Variants in SLC38A3 observed in about 807,000 individuals in gnomAD.
The protein encoded by SLC38A3 is sodium-coupled neutral amino acid transporter 3.
SLC38A3 carries 17 observed loss-of-function variants against 59.5 expected under a neutral mutation model. The ratio of observed to expected loss-of-function variants is 0.29; its 90% CI spans 0.20 to 0.43. SLC38A3 has a LOEUF of 0.43. Among genes scored for constraint, SLC38A3 ranks in the 20% least tolerant of loss-of-function variants. SLC38A3 has a pLI of 1.00. For synonymous variants in SLC38A3, 238 were observed against 260.3 expected, an observed-to-expected ratio of 0.91 and a Z score of 0.82; for missense variants, 454 against 653.9, an observed-to-expected ratio of 0.69 and a Z score of 3.33.
Position 50,215,705 on chromosome 3 carries a change from C to A in SLC38A3, c.467-35C>A, listed in dbSNP as rs1386647889. The A allele has an allele frequency of 6.2e-7, 1 of 1,607,476 alleles. No individual in the cohort carries two copies. The highest frequency in any genetic ancestry group is 8.5e-7 in the Non-Finnish European group (1 of 1,176,734). On this transcript the variant is annotated intron_variant, in intron 6 of 15. Coordinates refer to ENST00000614032, the MANE Select transcript of SLC38A3 (RefSeq NM_006841.6). The surrounding 1 kb of genome is among the most constrained non-coding windows in gnomAD (Gnocchi z 7.1). ...CCTGAAAGCTGGCTGGTTGGGCTGA[C>A]CTCAGCGCCTGCCTGCCCGCCCCTC...
At position 50,217,827 on chromosome 3, in the gene SLC38A3, C is replaced by T. The variant is rs773629318; in HGVS notation, c.842C>T (p.Thr281Met). ...GCCTTCTGCACTCCCAGCTACTTCA[C>T]GCTCAACTCACAGGTTCTGACAGGT... ...ASAFCTPSYF[T>M]LNSQTAYTIP... Residue 281 changes from threonine to methionine, a missense_variant, in exon 10 of 16, where the codon ACG (threonine) becomes ATG (methionine). By Grantham distance (81) the Thr-to-Met change is moderately conservative (BLOSUM62 -1). This residue lies in a region of SLC38A3 where 390 missense variants were observed against 557.9 expected (regional missense o/e 0.70). Coordinates refer to ENST00000614032, the MANE Select transcript of SLC38A3 (RefSeq NM_006841.6). The surrounding 1 kb of genome is among the most constrained non-coding windows in gnomAD (Gnocchi z 4.9). 2.7e-5 allele frequency: 43 copies of T among 1,613,942 alleles called. No homozygotes were observed. Among genetic ancestry groups the T allele is most frequent in the Non-Finnish European group, 3.3e-5 (39 of 1,179,908 alleles).
intron 1 of SLC38A3, among the ~76,000 whole-genome samples, chr3:50,209,749 G>C (rs771745108): frequency 6.6e-6 from 1 of 152,090 alleles, no homozygotes; most frequent in Non-Finnish European, 1.5e-5. Flanking sequence ...GACACCTCCG[G>C]ATGCCCAGAA....
At position 50,217,789 on chromosome 3, in the gene SLC38A3, G is replaced by T. The variant is rs757924467; in HGVS notation, c.804G>T (p.Glu268Asp). The T allele has an allele frequency of 1.2e-6, 2 of 1,614,040 alleles. No homozygotes were observed. The highest frequency in any genetic ancestry group is 2.2e-5 in the South Asian group (2 of 91,088). Reference protein sequence around the residue: ...IVKEKVQLQVEPEASAFCTPS... With the variant: ...IVKEKVQLQVDPEASAFCTPS... ...AGGAGAAGGTGCAGCTGCAGGTCGA[G>T]CCTGAGGCTTCAGCCTTCTGCACTC... Residue 268 changes from glutamate (E) to aspartate (D), a missense_variant, in exon 10 of 16, where the codon GAG (glutamate) becomes GAT (aspartate). Glu to Asp is a conservative substitution (Grantham distance 45). Transcript: ENST00000614032. This position sits in a 1 kb window ranked among gnomAD's most constrained non-coding sequence, Gnocchi z 4.9.
chr3:50,221,406 G>A lies in SLC38A3; in HGVS notation c.*1229G>A, dbSNP rs1439691174. The stretch of plus-strand genomic sequence containing the variant: ...CATGTCAACTCTCTGTCAATGCCCT[G>A]AGTCTGGGGACAAAAGTCCAGGAAT... On this transcript the variant is annotated 3_prime_UTR_variant, in exon 16 of 16. Transcript: ENST00000614032. 1.3e-5 allele frequency: 2 copies of A among 152,254 alleles called. No individual in the cohort carries two copies. Among genetic ancestry groups the A allele is most frequent in the Admixed American group, 6.5e-5 (1 of 15,282 alleles). The allele number at this position is 152,254 out of a possible 1,614,324, so 9.4% of individuals were successfully genotyped here. A position where few individuals can be genotyped will look rare whatever the true frequency, so the allele number is the denominator to read the frequency against.
intron 15 of SLC38A3, 22 bp downstream of exon 15, chr3:50,220,006 G>T: frequency 1.2e-6 from 2 of 1,605,984 alleles, no homozygotes; most frequent in South Asian, 2.2e-5. Context: ...CTGGAGGCCG[G>T]TGGGCTGGTA....
chr3:50,210,054 T>C (rs1440947652), intron 1 of SLC38A3, among the ~76,000 whole-genome samples: 1 of 152,216 alleles, frequency 6.6e-6, no homozygotes, highest in Non-Finnish European at 1.5e-5. Context: ...AGCAATCAGC[T>C]ACCACCAATT....
chr3:50,216,113 G>A (rs587595292), intron 7 of SLC38A3, among the ~76,000 whole-genome samples: 12 of 152,356 alleles, frequency 7.9e-5, no homozygotes, highest in East Asian at 3.9e-4. Context: ...GCCTGTGAGC[G>A]TGGGAGGCTC....
rs587760569 is a variant in SLC38A3 at position 50,220,278 on chromosome 3, C to T, written c.*101C>T. 23 of 876,778 alleles carry T rather than the reference C, an allele frequency of 2.6e-5. No homozygotes were observed. The highest frequency in any genetic ancestry group is 5.3e-5 in the East Asian group (2 of 37,752). 54.3% of individuals were successfully genotyped at this position (876,778 alleles called of 1,614,324 possible). ...GGCCAGTCGGGGGAGGAGAAAGACGCGATTAACACTGTGGCATTCAGCCAG... is the reference window on the plus strand; with the variant it reads ...GGCCAGTCGGGGGAGGAGAAAGACGTGATTAACACTGTGGCATTCAGCCAG... On this transcript the variant is annotated 3_prime_UTR_variant, in exon 16 of 16. Coordinates refer to ENST00000614032, the MANE Select transcript of SLC38A3 (RefSeq NM_006841.6).
chr3:50,218,449 C>T lies in SLC38A3; in HGVS notation c.1036+79C>T, dbSNP rs745791948. Reference sequence around the variant, plus strand: ...GTTGTGGCCATGGTGCCCTCCATACCGAGGCGTGTGGTGCCTGGCTGTGCC... The same window carrying T: ...GTTGTGGCCATGGTGCCCTCCATACTGAGGCGTGTGGTGCCTGGCTGTGCC... On this transcript the variant is annotated intron_variant, in intron 12 of 15. Coordinates refer to ENST00000614032, the MANE Select transcript of SLC38A3 (RefSeq NM_006841.6). The surrounding 1 kb of genome is among the most constrained non-coding windows in gnomAD (Gnocchi z 5.8). The T allele has an allele frequency of 1.8e-5, 28 of 1,526,238 alleles. No individual in the cohort carries two copies. In the Middle Eastern group the frequency reaches 6.8e-4, roughly 37 times the overall value. 94.5% of individuals were successfully genotyped at this position (1,526,238 alleles called of 1,614,324 possible). A position where few individuals can be genotyped will look rare whatever the true frequency, so the allele number is the denominator to read the frequency against.
At position 50,220,577 on chromosome 3, in the gene SLC38A3, G is replaced by T. The variant is rs866886152; in HGVS notation, c.*400G>T. 24 of 229,540 alleles carry T rather than the reference G, an allele frequency of 1.0e-4. No homozygotes were observed. Among genetic ancestry groups the T allele is most frequent in the South Asian group, 5.7e-4 (8 of 14,154 alleles). 14.2% of individuals were successfully genotyped at this position (229,540 alleles called of 1,614,324 possible). A position where few individuals can be genotyped will look rare whatever the true frequency, so the allele number is the denominator to read the frequency against. On this transcript the variant is annotated 3_prime_UTR_variant, in exon 16 of 16. Transcript: ENST00000614032. The stretch of plus-strand genomic sequence containing the variant: ...CCCCCGACCCTGCTGCTAGGCCACG[G>T]TCTGCGCCCTGGGGCCTCATCTCCC...
At position 50,215,504 on chromosome 3, in the gene SLC38A3, A is replaced by G. The variant is rs1044976601; in HGVS notation, c.374-40A>G. 1 of 1,613,142 alleles carries G rather than the reference A, an allele frequency of 6.2e-7. No homozygotes were observed. The highest frequency in any genetic ancestry group is 1.3e-5 in the African/African-American group (1 of 74,874). On this transcript the variant is annotated intron_variant, in intron 5 of 15. Transcript: ENST00000614032. This position sits in a 1 kb window ranked among gnomAD's most constrained non-coding sequence, Gnocchi z 7.1. ...GGAATGGGCGGGAGCTGGTGGGTAAACTGGGACAAGCTCCTGACTTCTTGA... is the reference window on the plus strand; with the variant it reads ...GGAATGGGCGGGAGCTGGTGGGTAAGCTGGGACAAGCTCCTGACTTCTTGA...
chr3:50,220,327 GT>G lies in SLC38A3; in HGVS notation c.*155del. On this transcript the variant is annotated 3_prime_UTR_variant, in exon 16 of 16. Transcript: ENST00000614032. Reference sequence around the variant, plus strand: ...AGGCCCCATGTCCTCTCTGTGGAAGGTTTTTGTTCAAGAGCCAGGACCAAGG... The same window carrying G: ...AGGCCCCATGTCCTCTCTGTGGAAGGTTTTGTTCAAGAGCCAGGACCAAGG... 1.5e-6 allele frequency: 1 copy of G among 669,712 alleles called. No individual in the cohort carries two copies. Among genetic ancestry groups the G allele is most frequent in the Non-Finnish European group, 2.6e-6 (1 of 390,248 alleles). 41.5% of individuals were successfully genotyped at this position (669,712 alleles called of 1,614,324 possible). A position where few individuals can be genotyped will look rare whatever the true frequency, so the allele number is the denominator to read the frequency against.
At position 50,217,863 on chromosome 3, in the gene SLC38A3, C is replaced by T. The variant is rs587736123; in HGVS notation, c.855+23C>T. 1.4e-5 allele frequency: 23 copies of T among 1,614,016 alleles called. No homozygotes were observed. The highest frequency in any genetic ancestry group is 1.3e-4 in the Admixed American group (8 of 60,016). On this transcript the variant is annotated intron_variant, in intron 10 of 15. Coordinates refer to ENST00000614032, the MANE Select transcript of SLC38A3 (RefSeq NM_006841.6). The surrounding 1 kb of genome is among the most constrained non-coding windows in gnomAD (Gnocchi z 4.9). ...CAGGTTCTGACAGGTCAGGGCAAGG[C>T]GGGGGCCCAATGAGAGTGGCAGACT... is the stretch of plus-strand genomic sequence containing the variant.
In SLC38A3 at chr3:50,218,116, C is replaced by A. The variant is rs1575427080; in HGVS notation, c.935+120C>A. Reference sequence around the variant, plus strand: ...AGCCAAGTCACTTTATCTGAGATGTCCTTGGCAGCCATGAGAGGTGATTAT... The same window carrying A: ...AGCCAAGTCACTTTATCTGAGATGTACTTGGCAGCCATGAGAGGTGATTAT... On this transcript the variant is annotated intron_variant, in intron 11 of 15. Transcript: ENST00000614032. This position sits in a 1 kb window ranked among gnomAD's most constrained non-coding sequence, Gnocchi z 5.8. The A allele has an allele frequency of 1.1e-5, 12 of 1,118,392 alleles. No individual in the cohort carries two copies. In the East Asian group the frequency reaches 2.7e-4, roughly 26 times the overall value. The allele number at this position is 1,118,392 out of a possible 1,614,324, so 69.3% of individuals were successfully genotyped here.
At position 50,214,434 on chromosome 3, in the gene SLC38A3, G is replaced by A. The variant is rs866210794; in HGVS notation, c.134G>A (p.Gly45Asp). Residue 45 changes from glycine (G) to aspartate (D), a missense_variant, in exon 3 of 16, where the codon GGC becomes GAC. Transcript: ENST00000614032. The surrounding 1 kb of genome is among the most constrained non-coding windows in gnomAD (Gnocchi z 6.0). ...VEDPARSCMEGKSFLQKSPSK... is the reference protein window; with the variant it reads ...VEDPARSCMEDKSFLQKSPSK... ...GACCCTGCACGGAGCTGTATGGAGG[G>A]CAAGAGCTTCCTACAGAAAAGTCCC... 2 of 1,579,038 alleles carry A rather than the reference G, an allele frequency of 1.3e-6. No homozygotes were observed. Among genetic ancestry groups the A allele is most frequent in the South Asian group, 1.2e-5 (1 of 86,492 alleles).
Position 50,215,517 on chromosome 3 carries a change from C to A in SLC38A3, c.374-27C>A. 5 of 1,613,618 alleles carry A rather than the reference C, an allele frequency of 3.1e-6. No homozygotes were observed. The highest frequency in any genetic ancestry group is 4.2e-6 in the Non-Finnish European group (5 of 1,179,566). On this transcript the variant is annotated intron_variant, in intron 5 of 15. Coordinates refer to ENST00000614032, the MANE Select transcript of SLC38A3 (RefSeq NM_006841.6). The surrounding 1 kb of genome is among the most constrained non-coding windows in gnomAD (Gnocchi z 7.1). ...GCTGGTGGGTAAACTGGGACAAGCT[C>A]CTGACTTCTTGACCCTGCTCCTGCA...
At position 50,214,514 on chromosome 3, in the gene SLC38A3, C is replaced by A; in HGVS notation, c.183+31C>A. 6.5e-7 allele frequency: 1 copy of A among 1,540,790 alleles called. No individual in the cohort carries two copies. The highest frequency in any genetic ancestry group is 8.8e-7 in the Non-Finnish European group (1 of 1,135,686). ...CAGGGCAGCAACGGGTTTTAGGGGA[C>A]ACTGTGGGGAGCTTGGATGCAGTAA... On this transcript the variant is annotated intron_variant, in intron 3 of 15. Transcript: ENST00000614032. This position sits in a 1 kb window ranked among gnomAD's most constrained non-coding sequence, Gnocchi z 6.0.
intron 1 of SLC38A3, among the ~76,000 whole-genome samples, chr3:50,208,887 C>T (rs1699683426): frequency 6.6e-6 from 1 of 152,190 alleles, no homozygotes; most frequent in African/African-American, 2.4e-5. Flanking sequence ...CTCTTCCCTC[C>T]CTCTGCCTTT....
chr3:50,219,244 A>G (rs1172146804), intron 14 of SLC38A3, among the ~76,000 whole-genome samples: 1 of 152,182 alleles, frequency 6.6e-6, no homozygotes, highest in Non-Finnish European at 1.5e-5. Context: ...TAAAGTTCAG[A>G]GTGATTAAAG....
Sources: gnomAD v4.1 joint callset for allele counts (sites outside exome capture counted in the v4.1 genomes callset) on GRCh38, gnomAD v4.1.1 for gene constraint, gnomAD v4.1.1 regional missense constraint, Gnocchi (gnomAD v3.1) non-coding constraint, MANE v1.5 for transcripts, NCBI Gene and HGNC (gene_info 2026-07-23, HGNC 2026-07-21) for gene names.